Variants in TENM4 observed in about 807,000 individuals in gnomAD.
The protein encoded by TENM4 is teneurin-4.
In TENM4, 82 loss-of-function variants were observed where a neutral mutation model predicts 243.3. The ratio of observed to expected loss-of-function variants is 0.34; its 90% confidence interval spans 0.28 to 0.40. TENM4 has a LOEUF of 0.40. Ranked by LOEUF, TENM4 falls within the 10% of genes least tolerant of loss-of-function variation. The probability of loss-of-function intolerance (pLI) is 1.00; values close to 1 mark genes in which losing one functional copy is unlikely to be tolerated. For synonymous variants in TENM4, 1,412 were observed against 1,456.3 expected (o/e 0.97, Z 0.69); for missense variants, 3,138 against 3,673.3 (o/e 0.85, Z 3.77).
chr11:79,436,695 C>T (rs1161882256), intron 1 of TENM4, among the ~76,000 whole-genome samples: 1 of 152,172 alleles, frequency 6.6e-6, no homozygotes, highest in Non-Finnish European at 1.5e-5. Flanking sequence ...TTGGCATCCG[C>T]ACTGGTCAAG....
chr11:79,138,864 ACC>A lies in TENM4; in HGVS notation c.-66+9844_-66+9845del, dbSNP rs1265353432. ...ATATTTATATAAATATACAAAATAT[ACC>A]TTATATTTATATAAATATATAAAAT... On this transcript the variant is annotated intron_variant, in intron 4 of 33. Transcript: ENST00000278550. Among the ~76,000 whole-genome samples, 52 of 117,910 alleles carry A rather than the reference ACC, an allele frequency of 4.4e-4. 2 individuals are homozygous for A. The highest frequency in any genetic ancestry group is 1.7e-3 in the African/African-American group (49 of 29,350). The allele number at this position is 117,910 out of a possible 152,430, so 77.4% of individuals were successfully genotyped here. A position where few individuals can be genotyped will look rare whatever the true frequency, so the allele number is the denominator to read the frequency against.
At chr11:79,184,784 T>C (rs1466887756) in intron 3 of TENM4, among the ~76,000 whole-genome samples, 1 of 152,172 alleles carries the variant, frequency 6.6e-6, no homozygotes, top group African/African-American at 2.4e-5. Flanking sequence ...AAAAGAGTTC[T>C]GGAGATGGAC....
intron 31 of TENM4, among the ~76,000 whole-genome samples, chr11:78,671,601 T>C (rs1259770519): frequency 1.3e-5 from 2 of 152,228 alleles, no homozygotes; most frequent in Non-Finnish European, 2.9e-5. Flanking sequence ...TAGAGCAGAA[T>C]AGATTTACTA....
intron 22 of TENM4, among the ~76,000 whole-genome samples, chr11:78,729,121 C>A (rs1034125287): frequency 1.3e-5 from 2 of 152,144 alleles, no homozygotes; most frequent in Non-Finnish European, 2.9e-5. Flanking sequence ...CTCTTTTAGC[C>A]CCTCACAAGC....
At chr11:78,677,603 T>C (rs1402999598) in intron 29 of TENM4, among the ~76,000 whole-genome samples, 1 of 152,000 alleles carries the variant, frequency 6.6e-6, no homozygotes. Flanking sequence ...AACAATGTTT[T>C]TTATAACAAG....
At chr11:79,407,557 T>A (rs1394564964) in intron 1 of TENM4, among the ~76,000 whole-genome samples, 1 of 152,224 alleles carries the variant, frequency 6.6e-6, no homozygotes, top group Non-Finnish European at 1.5e-5. Flanking sequence ...CTGCTGCTAA[T>A]AAGTAGCGAG....
chr11:78,841,396 A>G (rs938302690), intron 12 of TENM4, among the ~76,000 whole-genome samples: 2 of 152,142 alleles, frequency 1.3e-5, no homozygotes, highest in East Asian at 3.9e-4. Context: ...AACACACACA[A>G]TTTAGGCCAT....
At chr11:78,894,659 A>T (rs1167795026) in intron 7 of TENM4, among the ~76,000 whole-genome samples, 1 of 152,148 alleles carries the variant, frequency 6.6e-6, no homozygotes, top group East Asian at 1.9e-4. Flanking sequence ...AATTATTTAG[A>T]TCTCTCTGGA....
chr11:79,439,495 C>G (rs971686981), intron 1 of TENM4, among the ~76,000 whole-genome samples: 9 of 152,120 alleles, frequency 5.9e-5, no homozygotes, highest in African/African-American at 1.4e-4. Flanking sequence ...GACCACGCAG[C>G]TGAATTTCCA....
At chr11:79,335,205 G>A (rs1857127476) in intron 1 of TENM4, among the ~76,000 whole-genome samples, 1 of 152,186 alleles carries the variant, frequency 6.6e-6, no homozygotes. Context: ...AGGTTGATGT[G>A]GTTCAAGCTG....
chr11:79,192,280 T>C (rs1447445380), intron 3 of TENM4, among the ~76,000 whole-genome samples: 1 of 152,150 alleles, frequency 6.6e-6, no homozygotes, highest in Non-Finnish European at 1.5e-5. Context: ...CAACAGCTCA[T>C]TGAGAATGGG....
rs909271385 is a variant in TENM4 at position 78,813,361 on chromosome 11, C to G, written c.1783+933G>C. Among the ~76,000 whole-genome samples the G allele has an allele frequency of 2.0e-5, 3 of 152,332 alleles. No homozygotes were observed. In the East Asian group the frequency reaches 5.8e-4, roughly 29 times the overall value. On this transcript the variant is annotated intron_variant, in intron 13 of 33. Transcript: ENST00000278550. ...GAAATTCATCCCTTCTACTCTCAGA[C>G]TGCTCTTCCCTTCTACTCTGATAGA...
At chr11:78,671,227 TG>T (rs780670631) in intron 31 of TENM4, among the ~76,000 whole-genome samples, 4 of 152,212 alleles carry the variant, frequency 2.6e-5, no homozygotes, top group Non-Finnish European at 4.4e-5. Context: ...TGTGTGGCCC[TG>T]GGAAAGTTCT....
chr11:79,421,596 T>C (rs896516944), intron 1 of TENM4, among the ~76,000 whole-genome samples: 2 of 151,794 alleles, frequency 1.3e-5, no homozygotes, highest in Non-Finnish European at 2.9e-5. Context: ...CAAGGTAGAA[T>C]GAGGAGTTTA....
At chr11:79,310,163 G>T (rs962096933) in intron 1 of TENM4, among the ~76,000 whole-genome samples, 1 of 152,196 alleles carries the variant, frequency 6.6e-6, no homozygotes, top group Non-Finnish European at 1.5e-5. Flanking sequence ...AGGTACTCTA[G>T]AAACAGATGC....
At chr11:79,363,769 A>T (rs1033272347) in intron 1 of TENM4, among the ~76,000 whole-genome samples, 3 of 152,236 alleles carry the variant, frequency 2.0e-5, no homozygotes, top group African/African-American at 4.8e-5. Flanking sequence ...AAAATAATAG[A>T]TTGCACATAC....
chr11:79,397,357 A>T (rs1858366978), intron 1 of TENM4, among the ~76,000 whole-genome samples: 1 of 152,202 alleles, frequency 6.6e-6, no homozygotes, highest in Non-Finnish European at 1.5e-5. Flanking sequence ...GAGTAACTGG[A>T]ACAAAGCTGG....
chr11:78,831,287 C>T (rs1403683321), intron 12 of TENM4, among the ~76,000 whole-genome samples: 1 of 152,234 alleles, frequency 6.6e-6, no homozygotes, highest in African/African-American at 2.4e-5. Context: ...GCCTGCTGTA[C>T]TGTAACACGA....
chr11:79,400,695 G>T (rs1014351752), intron 1 of TENM4, among the ~76,000 whole-genome samples: 4 of 152,202 alleles, frequency 2.6e-5, no homozygotes, highest in Non-Finnish European at 5.9e-5. Context: ...TGCTGTGAGG[G>T]CTGAGGGGAC....
Sources: gnomAD v4.1 joint callset for allele counts (sites outside exome capture counted in the v4.1 genomes callset) on GRCh38, gnomAD v4.1.1 for gene constraint, MANE v1.5 for transcripts, NCBI Gene and HGNC (gene_info 2026-07-23, HGNC 2026-07-21) for gene names.